Variants in HERC2 observed in about 807,000 individuals in gnomAD.
HERC2 encodes HECT and RLD domain containing E3 ubiquitin protein ligase 2.
HERC2 carries 102 observed loss-of-function variants against 537.7 expected under a neutral mutation model. That is an observed-to-expected ratio of 0.19 (90% CI 0.16 to 0.22). HERC2 has a LOEUF of 0.22. Ranked by LOEUF, HERC2 falls within the 10% of genes least tolerant of loss-of-function variation. The pLI, the probability that HERC2 is intolerant of heterozygous loss-of-function variation, is 1.00. For synonymous variants in HERC2, 2,224 were observed against 2,466.2 expected, an observed-to-expected ratio of 0.90 and a Z score of 2.91; for missense variants, 4,236 against 6,198.2, an observed-to-expected ratio of 0.68 and a Z score of 10.63.
chr15:28,316,277 C>T (rs1806257642), intron 2 of HERC2, among the ~76,000 whole-genome samples: 1 of 144,446 alleles, frequency 6.9e-6, no homozygotes, highest in Non-Finnish European at 1.5e-5. Context: ...TACGGCTAAA[C>T]CCTTTTCCTT....
At chr15:28,128,297 A>C (rs973309535) in intron 83 of HERC2, among the ~76,000 whole-genome samples, 1 of 152,174 alleles carries the variant, frequency 6.6e-6, no homozygotes, top group African/African-American at 2.4e-5. Flanking sequence ...GGGAGTGTGA[A>C]CTGGCTGGCA....
rs940196100 is a variant in HERC2 at position 28,132,586 on chromosome 15, C to T, written c.12408+67G>A. 44 of 1,322,172 alleles carry T rather than the reference C, an allele frequency of 3.3e-5. No individual in the cohort carries two copies. The African/African-American group carries it at 5.0e-4, about 15-fold the overall frequency. The allele number at this position is 1,322,172 out of a possible 1,614,324, so 81.9% of individuals were successfully genotyped here. A position where few individuals can be genotyped will look rare whatever the true frequency, so the allele number is the denominator to read the frequency against. On this transcript the variant is annotated intron_variant, in intron 80 of 92. Coordinates refer to ENST00000261609, the MANE Select transcript of HERC2 (RefSeq NM_004667.6). ...ATTTTTCATAACAACGGTGGCAAAC[C>T]GCCCCCATCTGACAGCAGCAGTGAG... is the stretch of plus-strand genomic sequence containing the variant.
chr15:28,201,586 A>C (rs201482973), intron 47 of HERC2, 32 bp from the exon 48 acceptor site: 248 of 1,348,516 alleles, frequency 1.8e-4, no homozygotes, highest in Non-Finnish European at 2.0e-4. Context: ...AAACAAAAAA[A>C]CAGGAGAACA....
At position 28,228,245 on chromosome 15, in the gene HERC2, G is replaced by C; in HGVS notation, c.5437C>G (p.Leu1813Val). The change falls in exon 35 of 93, where the codon CTC becomes GTC. Residue 1813 changes from leucine (L) to valine (V), a missense_variant. Leu to Val is a conservative substitution (Grantham distance 32). Around this residue, in one of 27 missense-constraint regions of HERC2, gnomAD observed 343 missense variants for 417.2 expected, o/e 0.82. Coordinates refer to ENST00000261609, the MANE Select transcript of HERC2 (RefSeq NM_004667.6). Reference protein sequence around the residue: ...DLLLNSGMLALTQTALRLIGP... With the variant: ...DLLLNSGMLAVTQTALRLIGP... ...ATCAGGCGCAGTGCCGTCTGCGTGA[G>C]GGCCAGCATGCCGGAATTGAGCAGA... 1 of 1,613,696 alleles carries C rather than the reference G, an allele frequency of 6.2e-7. No individual in the cohort carries two copies. The highest frequency in any genetic ancestry group is 8.5e-7 in the Non-Finnish European group (1 of 1,179,824).
chr15:28,249,538 G>A (rs1339814043), intron 20 of HERC2, among the ~76,000 whole-genome samples: 1 of 152,214 alleles, frequency 6.6e-6, no homozygotes. Flanking sequence ...ACACAAGGAA[G>A]CAAGGGAGAG....
chr15:28,275,118 C>G lies in HERC2; in HGVS notation c.543-113G>C, dbSNP rs759480517. The G allele has an allele frequency of 1.3e-5, 7 of 553,522 alleles. 1 individual carries two copies. Among genetic ancestry groups the G allele is most frequent in the Admixed American group, 2.8e-5 (1 of 35,462 alleles). 34.3% of individuals were successfully genotyped at this position (553,522 alleles called of 1,614,324 possible). A position where few individuals can be genotyped will look rare whatever the true frequency, so the allele number is the denominator to read the frequency against. On this transcript the variant is annotated intron_variant, in intron 5 of 92. Transcript: ENST00000261609. Reference sequence around the variant, plus strand: ...CCAAAATCCGACCAATGGTTTTCTTCAAGTGACAGGATCACAAGTGGATTT... The same window carrying G: ...CCAAAATCCGACCAATGGTTTTCTTGAAGTGACAGGATCACAAGTGGATTT...
intron 78 of HERC2, among the ~76,000 whole-genome samples, chr15:28,140,346 G>A (rs1408651830): frequency 2.0e-5 from 3 of 151,888 alleles, no homozygotes; most frequent in Non-Finnish European, 4.4e-5. Flanking sequence ...CCACACAAAC[G>A]GGAAAAATAA....
rs375231545 is a variant in HERC2, at chr15:28,206,650, G to A, written c.7070-268C>T. 3.5e-3 allele frequency among the ~76,000 whole-genome samples: 536 copies of A among 151,228 alleles called. 6 individuals carry two copies. The highest frequency in any genetic ancestry group is 0.014 in the East Asian group (73 of 5,130). On this transcript the variant is annotated intron_variant, in intron 44 of 92. Coordinates refer to ENST00000261609, the MANE Select transcript of HERC2 (RefSeq NM_004667.6). ...ATATCAAGACCATCCTGGGTAACAC[G>A]GTGAAACCCCATCTCTACTAAAAAT... is the stretch of plus-strand genomic sequence containing the variant.
At position 28,186,701 on chromosome 15, in the gene HERC2, C is replaced by T; in HGVS notation, c.8701G>A (p.Asp2901Asn). ...AGGATGAGACCATGGATTTTACAAT[C>T]GATTCCTGAGCTCCTGCACTGCTTT... ...AIKQCRSSGI[D>N]CKIHGLILLG... is the part of the protein sequence containing the mutation. Residue 2901 changes from aspartate to asparagine, a missense_variant, in exon 56 of 93, where the codon GAT (aspartate) becomes AAT (asparagine). Coordinates refer to ENST00000261609, the MANE Select transcript of HERC2 (RefSeq NM_004667.6). The T allele has an allele frequency of 2.5e-6, 4 of 1,614,066 alleles. No individual in the cohort carries two copies. The highest frequency in any genetic ancestry group is 1.3e-5 in the African/African-American group (1 of 75,036).
chr15:28,153,899 A>G (rs1892717237), intron 69 of HERC2, among the ~76,000 whole-genome samples: 1 of 152,140 alleles, frequency 6.6e-6, no homozygotes, highest in Non-Finnish European at 1.5e-5. Context: ...ATCAGGAACC[A>G]TCAAGCCGCT....
intron 69 of HERC2, among the ~76,000 whole-genome samples, chr15:28,159,325 A>G (rs1409143741): frequency 1.3e-5 from 2 of 152,182 alleles, no homozygotes; most frequent in Non-Finnish European, 2.9e-5. Flanking sequence ...AATATCCTGC[A>G]GAGTGTTTTC....
At chr15:28,132,331 A>G in intron 80 of HERC2, 70 bp from the exon 81 acceptor site, 3 of 1,389,324 alleles carry the variant, frequency 2.2e-6, no homozygotes, top group Non-Finnish European at 2.9e-6. Context: ...TGGCTTCACA[A>G]CACTGCCATT....
intron 46 of HERC2, 35 bp downstream of exon 46, chr15:28,202,312 C>T (rs529807535): frequency 8.1e-6 from 13 of 1,613,094 alleles, no homozygotes; most frequent in African/African-American, 1.3e-5. Context: ...CGGGAACCCA[C>T]ACATACACAA....
intron 2 of HERC2, among the ~76,000 whole-genome samples, chr15:28,305,844 C>G (rs1453170822): frequency 4.8e-4 from 72 of 150,690 alleles, no homozygotes; most frequent in African/African-American, 1.7e-3. Context: ...AAAAAACAAA[C>G]AACCCCATCA....
At position 28,248,566 on chromosome 15, in the gene HERC2, G is replaced by T; in HGVS notation, c.3221C>A (p.Thr1074Asn). Residue 1074 changes from threonine (T) to asparagine (N), a missense_variant, in exon 21 of 93, where the codon ACC (threonine) becomes AAC (asparagine). Thr to Asn is a moderately conservative substitution (Grantham distance 65). Transcript: ENST00000261609. ...AAGCAACTTACTAGAAATATCTGAG[G>T]TCTGACCAATACTTTCTCCTGGATA... ...KLYPGESIGQTSDISSPELMG... is the reference protein window; with the variant it reads ...KLYPGESIGQNSDISSPELMG... 1 of 1,613,348 alleles carries T rather than the reference G, an allele frequency of 6.2e-7. No homozygotes were observed. Among genetic ancestry groups the T allele is most frequent in the Non-Finnish European group, 8.5e-7 (1 of 1,179,398 alleles).
At chr15:28,157,556 T>C (rs1288355599) in intron 69 of HERC2, among the ~76,000 whole-genome samples, 1 of 152,258 alleles carries the variant, frequency 6.6e-6, no homozygotes, top group Non-Finnish European at 1.5e-5. Flanking sequence ...TATTCTCTGA[T>C]GGTAGTTTGT....
intron 30 of HERC2, among the ~76,000 whole-genome samples, chr15:28,231,838 CAA>C (rs61645210): frequency 8.7e-5 from 11 of 126,468 alleles, no homozygotes; most frequent in African/African-American, 1.0e-4. Context: ...ACTTAATTTC[CAA>C]AAAAAAAAAA....
chr15:28,251,211 G>T (rs2075066604), intron 20 of HERC2, among the ~76,000 whole-genome samples: 1 of 152,198 alleles, frequency 6.6e-6, no homozygotes. Context: ...TGGAGGCCAA[G>T]GCGGGCAGAT....
At position 28,176,915 on chromosome 15, in the gene HERC2, A is replaced by G; in HGVS notation, c.9432+35T>C. 1 of 1,598,206 alleles carries G rather than the reference A, an allele frequency of 6.3e-7. No homozygotes were observed. The highest frequency in any genetic ancestry group is 8.6e-7 in the Non-Finnish European group (1 of 1,168,552). ...TTTCTCTTGACATCTTCAGATGGTA[A>G]GCTTTCTGCAAGCAACAAAAATGCG... is the stretch of plus-strand genomic sequence containing the variant. On this transcript the variant is annotated intron_variant, in intron 61 of 92. Transcript: ENST00000261609. This position sits in a 1 kb window ranked among gnomAD's most constrained non-coding sequence, Gnocchi z 5.0.
Sources: gnomAD v4.1 joint callset for allele counts (sites outside exome capture counted in the v4.1 genomes callset) on GRCh38, gnomAD v4.1.1 for gene constraint, gnomAD v4.1.1 regional missense constraint, Gnocchi (gnomAD v3.1) non-coding constraint, MANE v1.5 for transcripts, NCBI Gene and HGNC (gene_info 2026-07-23, HGNC 2026-07-21) for gene names.